NAA50: variants seen among roughly 807,000 people sequenced by gnomAD.
The protein encoded by NAA50 is N-alpha-acetyltransferase 50.
NAA50 carries 7 observed loss-of-function variants against 20.7 expected under a neutral mutation model. The ratio of observed to expected loss-of-function variants is 0.34; its 90% CI spans 0.19 to 0.63. NAA50 has a LOEUF of 0.63. NAA50 is among the 30% of genes least tolerant of loss of function. NAA50 has a pLI of 0.75. For missense variants in NAA50, 111 were observed against 199.1 expected (o/e 0.56, Z 2.66); for synonymous variants, 54 against 70.6 (o/e 0.77, Z 1.18).
intron 1 of NAA50, among the ~76,000 whole-genome samples, chr3:113,735,618 T>A (rs1239084172): frequency 6.6e-6 from 1 of 152,228 alleles, no homozygotes; most frequent in African/African-American, 2.4e-5. Context: ...ACTCTGTATA[T>A]AAGACACAAA....
At chr3:113,734,885 G>A (rs1708319835) in intron 1 of NAA50, among the ~76,000 whole-genome samples, 1 of 152,130 alleles carries the variant, frequency 6.6e-6, no homozygotes, top group Admixed American at 6.5e-5. Flanking sequence ...GTATGAATGG[G>A]CAATTTTAAA....
chr3:113,735,612 T>C (rs550824401), intron 1 of NAA50, among the ~76,000 whole-genome samples: 1 of 152,352 alleles, frequency 6.6e-6, no homozygotes, highest in East Asian at 1.9e-4. Flanking sequence ...ACCTTTACTC[T>C]GTATATAAGA....
chr3:113,739,448 C>A (rs1708384313), intron 1 of NAA50: 1 of 152,188 alleles, frequency 6.6e-6, no homozygotes, highest in East Asian at 1.9e-4. Context: ...AAAATTCATT[C>A]TTAGGAAATT....
intron 1 of NAA50, among the ~76,000 whole-genome samples, chr3:113,729,042 G>A (rs1222004632): frequency 6.7e-6 from 1 of 149,768 alleles, no homozygotes; most frequent in Non-Finnish European, 1.5e-5. Context: ...CTGGAGTGTA[G>A]CGGTGCAATC....
Position 113,723,937 on chromosome 3 carries a change from CAA to C in NAA50, c.145+20_145+21del, listed in dbSNP as rs759015612. 16 of 1,282,492 alleles carry C rather than the reference CAA, an allele frequency of 1.2e-5. No homozygotes were observed. Among genetic ancestry groups the C allele is most frequent in the South Asian group, 9.4e-5 (6 of 63,672 alleles). The allele number at this position is 1,282,492 out of a possible 1,614,324, so 79.4% of individuals were successfully genotyped here. ...CAAAAAGAAAGAAAAGAAGGGAGGACAAAAAAAAAACTATATTATACCAAGTT... is the reference window on the plus strand; with the variant it reads ...CAAAAAGAAAGAAAAGAAGGGAGGACAAAAAAAACTATATTATACCAAGTT... On this transcript the variant is annotated intron_variant, in intron 2 of 4. Coordinates refer to ENST00000240922, the MANE Select transcript of NAA50 (RefSeq NM_025146.4).
chr3:113,737,449 ACTGCTCATGAGGTCTTAAC>A (rs1708358644), intron 1 of NAA50, among the ~76,000 whole-genome samples: 1 of 152,202 alleles, frequency 6.6e-6, no homozygotes, highest in South Asian at 2.1e-4. Context: ...TTCAACACTA[ACTGCTCATGAGGTCTTAAC>A]CTGTCACCCA....
chr3:113,745,398 T>G (rs928073892), intron 1 of NAA50, among the ~76,000 whole-genome samples: 2 of 152,126 alleles, frequency 1.3e-5, no homozygotes, highest in African/African-American at 4.8e-5. Flanking sequence ...CTCCACTCGC[T>G]GTGACCCAAC....
intron 1 of NAA50, among the ~76,000 whole-genome samples, chr3:113,734,438 C>A (rs565750955): frequency 6.6e-6 from 1 of 150,676 alleles, no homozygotes; most frequent in Non-Finnish European, 1.5e-5. Context: ...GGTACATGTA[C>A]CCCCTGGATC....
chr3:113,721,688 T>C lies in NAA50; in HGVS notation c.*72A>G. On this transcript the variant is annotated 3_prime_UTR_variant, in exon 5 of 5. Transcript: ENST00000240922. ...AAGCTTTAAAAGAAAAGTGTTGGGG[T>C]GGGGGAGGAATCAATGGGCCTCTCT... The C allele has an allele frequency of 6.7e-7, 1 of 1,491,186 alleles. No homozygotes were observed. Among genetic ancestry groups the C allele is most frequent in the South Asian group, 1.1e-5 (1 of 86,998 alleles). The allele number at this position is 1,491,186 out of a possible 1,614,324, so 92.4% of individuals were successfully genotyped here.
chr3:113,734,707 G>A (rs1297440515), intron 1 of NAA50, among the ~76,000 whole-genome samples: 1 of 152,198 alleles, frequency 6.6e-6, no homozygotes, highest in African/African-American at 2.4e-5. Context: ...AACAGAAATT[G>A]AATGAGAGCT....
chr3:113,730,691 T>C (rs921648324), intron 1 of NAA50, among the ~76,000 whole-genome samples: 1 of 152,212 alleles, frequency 6.6e-6, no homozygotes, highest in Non-Finnish European at 1.5e-5. Flanking sequence ...AATCACAAAA[T>C]ACATAGCTGC....
chr3:113,742,511 C>T (rs937538421), intron 1 of NAA50, among the ~76,000 whole-genome samples: 3 of 151,736 alleles, frequency 2.0e-5, no homozygotes, highest in African/African-American at 7.3e-5. Flanking sequence ...CTACAACCTC[C>T]ACCTGCCAGG....
At position 113,733,853 on chromosome 3, in the gene NAA50, C is replaced by CAAAAAAAAA. The variant is rs58431115; in HGVS notation, c.9-9767_9-9759dup. Among the ~76,000 whole-genome samples the CAAAAAAAAA allele has an allele frequency of 3.7e-4, 25 of 68,484 alleles. No individual in the cohort carries two copies. In the South Asian group the frequency reaches 7.2e-3, roughly 20 times the overall value. 44.9% of individuals were successfully genotyped at this position (68,484 alleles called of 152,430 possible). ...GGGTGACAGAGCAAGACTCTGTCTCCAAAAAAAAAAAAAAAAAAAAAAAGA... is the reference window on the plus strand; with the variant it reads ...GGGTGACAGAGCAAGACTCTGTCTCCAAAAAAAAAAAAAAAAAAAAAAAAAAAAAAAAGA... On this transcript the variant is annotated intron_variant, in intron 1 of 4. Transcript: ENST00000240922.
chr3:113,736,245 C>T (rs1378113268), intron 1 of NAA50, among the ~76,000 whole-genome samples: 1 of 152,122 alleles, frequency 6.6e-6, no homozygotes, highest in African/African-American at 2.4e-5. Flanking sequence ...AGATTCATAA[C>T]AATCAAACCC....
intron 1 of NAA50, among the ~76,000 whole-genome samples, chr3:113,724,425 A>G (rs1708176082): frequency 6.6e-6 from 1 of 152,262 alleles, no homozygotes; most frequent in Admixed American, 6.5e-5. Context: ...TGGTAAAATT[A>G]CAGTTCCTTT....
intron 1 of NAA50, chr3:113,745,661 T>C (rs903250808): frequency 2.3e-6 from 1 of 442,674 alleles, no homozygotes; most frequent in Non-Finnish European, 4.0e-6. Flanking sequence ...CCTTTCCATG[T>C]TGCCCCACTC....
In NAA50 at chr3:113,717,324, ACT is replaced by A. The variant is rs896445731; in HGVS notation, c.*4434_*4435del. The A allele has an allele frequency of 1.4e-4, 22 of 152,188 alleles. No individual in the cohort carries two copies. The highest frequency in any genetic ancestry group is 5.1e-4 in the African/African-American group (21 of 41,434). 9.4% of individuals were successfully genotyped at this position (152,188 alleles called of 1,614,324 possible). A position where few individuals can be genotyped will look rare whatever the true frequency, so the allele number is the denominator to read the frequency against. On this transcript the variant is annotated 3_prime_UTR_variant, in exon 5 of 5. Transcript: ENST00000240922. ...ACTCCAGCCTGGGCGACAGAGCGAG[ACT>A]CTGTCTCCAAAACAAAAACAAAAAC...
At chr3:113,745,867 G>A (rs1041895947) in intron 1 of NAA50, 75 bp downstream of exon 1, 1 of 1,518,418 alleles carries the variant, frequency 6.6e-7, no homozygotes, top group Non-Finnish European at 8.9e-7. Flanking sequence ...CCTCGCCTTT[G>A]CGGCTCTCCC....
Position 113,733,337 on chromosome 3 carries a change from C to A in NAA50, c.9-9242G>T, listed in dbSNP as rs533554595. Among the ~76,000 whole-genome samples, 15 of 132,008 alleles carry A rather than the reference C, an allele frequency of 1.1e-4. 1 individual carries two copies. The South Asian group carries it at 2.8e-3, about 24-fold the overall frequency. The allele number at this position is 132,008 out of a possible 152,430, so 86.6% of individuals were successfully genotyped here. On this transcript the variant is annotated intron_variant, in intron 1 of 4. Coordinates refer to ENST00000240922, the MANE Select transcript of NAA50 (RefSeq NM_025146.4). ...ATTTTTCTAAAAATCTAAAACTACT[C>A]AATTTTTTTTTTTAATTAGTGGAGG...
Sources: gnomAD v4.1 joint callset for allele counts (sites outside exome capture counted in the v4.1 genomes callset) on GRCh38, gnomAD v4.1.1 for gene constraint, MANE v1.5 for transcripts, NCBI Gene and HGNC (gene_info 2026-07-23, HGNC 2026-07-21) for gene names.